Variants in UBXN2B observed in about 807,000 individuals in gnomAD.
The protein encoded by UBXN2B is UBX domain protein 2B, also known as UBX domain-containing protein 2B.
UBXN2B carries 19 observed loss-of-function variants against 37.5 expected under a neutral mutation model. The observed-to-expected ratio is 0.51, with a 90% CI of 0.35 to 0.74. The LOEUF (loss-of-function observed/expected upper bound fraction) is 0.74, where lower values mean the gene tolerates loss of function less well. UBXN2B is among the 30% of genes least tolerant of loss of function. The pLI, the probability that UBXN2B is intolerant of heterozygous loss-of-function variation, is 0.01. For synonymous variants in UBXN2B, 145 were observed against 143.8 expected (o/e 1.01, Z -0.06); for missense variants, 370 against 393.2 (o/e 0.94, Z 0.50).
intron 7 of UBXN2B, among the ~76,000 whole-genome samples, chr8:58,446,340 G>T (rs1249209342): frequency 6.6e-6 from 1 of 152,072 alleles, no homozygotes; most frequent in Non-Finnish European, 1.5e-5. Context: ...ATAGTTTTAC[G>T]TTGTTACTAA....
intron 2 of UBXN2B, chr8:58,425,066 G>A (rs1303824386): frequency 1.9e-5 from 15 of 783,402 alleles, no homozygotes; most frequent in Non-Finnish European, 3.3e-5. Context: ...AGGAAGTCCA[G>A]CACACCCCTG....
intron 3 of UBXN2B, 63 bp from the exon 4 acceptor site, chr8:58,433,097 C>T: frequency 1.5e-6 from 2 of 1,312,560 alleles, no homozygotes; most frequent in Non-Finnish European, 2.2e-6. Flanking sequence ...AAATACATAT[C>T]ACATAATAAC....
intron 4 of UBXN2B, among the ~76,000 whole-genome samples, chr8:58,433,604 A>G (rs1027771507): frequency 2.1e-5 from 3 of 143,974 alleles, no homozygotes; most frequent in Admixed American, 1.4e-4. Flanking sequence ...GCCAGACCCT[A>G]TCTCTTTAAA....
chr8:58,433,304 G>T (rs1808330532), intron 4 of UBXN2B, 61 bp downstream of exon 4: 9 of 1,353,690 alleles, frequency 6.6e-6, no homozygotes, highest in Non-Finnish European at 6.1e-6. Context: ...TAAAACTGTT[G>T]GTTTTAAAAT....
chr8:58,421,053 A>G (rs1376425801), intron 2 of UBXN2B, among the ~76,000 whole-genome samples: 1 of 152,240 alleles, frequency 6.6e-6, no homozygotes, highest in Non-Finnish European at 1.5e-5. Context: ...AAGCTAAAAT[A>G]AAACACTTCA....
In UBXN2B at chr8:58,450,519, C is replaced by A. The variant is rs1446645938; in HGVS notation, c.*2968C>A. On this transcript the variant is annotated 3_prime_UTR_variant, in exon 8 of 8. Transcript: ENST00000399598. ...GATATTCTATGGCAATCGAGGTATT[C>A]TCTATTATGCTCCTTTCTTCAAGGC... is the stretch of plus-strand genomic sequence containing the variant. The A allele has an allele frequency of 6.6e-6, 1 of 152,174 alleles. No homozygotes were observed. The highest frequency in any genetic ancestry group is 2.4e-5 in the African/African-American group (1 of 41,430). 9.4% of individuals were successfully genotyped at this position (152,174 alleles called of 1,614,324 possible).
intron 2 of UBXN2B, chr8:58,424,807 G>A: frequency 6.9e-7 from 1 of 1,446,668 alleles, no homozygotes; most frequent in Admixed American, 1.7e-5. Context: ...TAGTGTTTCA[G>A]TATAATGCTG....
chr8:58,430,666 T>C lies in UBXN2B; in HGVS notation c.336T>C (p.Ser112=), dbSNP rs367868061. ...CAAGAGCTTCAGGTGATGATAAATCTAAGGTCAGTGCTCAATTTTAAACTA... is the reference window on the plus strand; with the variant it reads ...CAAGAGCTTCAGGTGATGATAAATCCAAGGTCAGTGCTCAATTTTAAACTA... ...EATRASGDDK[S]KSFTGGGYRL... The change falls in exon 3 of 8, where the codon TCT becomes TCC. Residue 112 remains serine, a synonymous_variant. Transcript: ENST00000399598. 1.3e-5 allele frequency: 20 copies of C among 1,547,944 alleles called. No individual in the cohort carries two copies. The African/African-American group carries it at 2.3e-4, about 18-fold the overall frequency.
At position 58,448,724 on chromosome 8, in the gene UBXN2B, A is replaced by G. The variant is rs1808741648; in HGVS notation, c.*1173A>G. The G allele has an allele frequency of 1.3e-5, 2 of 152,634 alleles. No homozygotes were observed. Among genetic ancestry groups the G allele is most frequent in the African/African-American group, 2.4e-5 (1 of 41,452 alleles). The allele number at this position is 152,634 out of a possible 1,614,324, so 9.5% of individuals were successfully genotyped here. On this transcript the variant is annotated 3_prime_UTR_variant, in exon 8 of 8. Transcript: ENST00000399598. ...GACGGACTAGATCTAAAGAATTACCAGCATAAATGTTTGCATTTCTGCTGA... is the reference window on the plus strand; with the variant it reads ...GACGGACTAGATCTAAAGAATTACCGGCATAAATGTTTGCATTTCTGCTGA...
intron 5 of UBXN2B, among the ~76,000 whole-genome samples, chr8:58,436,331 T>G (rs1277316008): frequency 6.6e-6 from 1 of 152,178 alleles, no homozygotes; most frequent in East Asian, 1.9e-4. Flanking sequence ...CTAAAAAATG[T>G]GTTTTGCTTG....
chr8:58,418,935 T>C (rs1357475848), intron 2 of UBXN2B, among the ~76,000 whole-genome samples: 2 of 152,344 alleles, frequency 1.3e-5, no homozygotes, highest in East Asian at 1.9e-4. Context: ...AATATTTGAG[T>C]TCTTATCATA....
chr8:58,417,975 T>TA (rs1422447815), intron 2 of UBXN2B, among the ~76,000 whole-genome samples: 1 of 152,100 alleles, frequency 6.6e-6, no homozygotes, highest in Non-Finnish European at 1.5e-5. Context: ...AGTGGTGGCT[T>TA]ATGCCTGTAA....
chr8:58,419,586 T>C (rs749493675), intron 2 of UBXN2B, among the ~76,000 whole-genome samples: 1 of 152,200 alleles, frequency 6.6e-6, no homozygotes, highest in Non-Finnish European at 1.5e-5. Context: ...CCACAAGTCA[T>C]TGTATAGTAG....
intron 2 of UBXN2B, among the ~76,000 whole-genome samples, chr8:58,419,332 T>C (rs1807865697): frequency 6.6e-6 from 1 of 152,194 alleles, no homozygotes; most frequent in Admixed American, 6.5e-5. Flanking sequence ...CAGAAAACAG[T>C]GCTTATTTTC....
chr8:58,442,734 C>A (rs772017956), intron 6 of UBXN2B, among the ~76,000 whole-genome samples: 1 of 152,184 alleles, frequency 6.6e-6, no homozygotes, highest in Non-Finnish European at 1.5e-5. Context: ...CTAACAAAAT[C>A]ACAGAGTCAT....
intron 2 of UBXN2B, chr8:58,424,712 T>C: frequency 1.5e-6 from 2 of 1,306,062 alleles, no homozygotes. Flanking sequence ...TGATCTCCAC[T>C]CGTCTGGTCC....
intron 2 of UBXN2B, among the ~76,000 whole-genome samples, chr8:58,429,280 G>C (rs1808187100): frequency 6.6e-6 from 1 of 152,130 alleles, no homozygotes; most frequent in South Asian, 2.1e-4. Context: ...AGGAAGTGTT[G>C]CTTTGCTTTT....
At chr8:58,424,951 A>G (rs1808040770) in intron 2 of UBXN2B, 15 of 809,054 alleles carry the variant, frequency 1.9e-5, no homozygotes, top group Admixed American at 5.1e-5. Context: ...GTCAGTCAGA[A>G]TATCAATCAC....
At chr8:58,413,610 A>T (rs1807697666) in intron 1 of UBXN2B, among the ~76,000 whole-genome samples, 1 of 152,126 alleles carries the variant, frequency 6.6e-6, no homozygotes, top group South Asian at 2.1e-4. Context: ...ATTACCCCTG[A>T]GTAAGTGTAT....
Sources: allele counts gnomAD v4.1 joint callset (sites outside exome capture counted in the v4.1 genomes callset), GRCh38; gene constraint gnomAD v4.1.1; transcripts MANE v1.5; gene names NCBI Gene and HGNC (gene_info 2026-07-23, HGNC 2026-07-21).